Variants in FRRS1 observed in about 807,000 individuals in gnomAD.
FRRS1 encodes ferric reductase 1.
In FRRS1, 51 loss-of-function variants were observed where a neutral mutation model predicts 70.7. The ratio of observed to expected loss-of-function variants is 0.72; its 90% CI spans 0.58 to 0.91. The LOEUF (loss-of-function observed/expected upper bound fraction) is 0.91. Ranked by LOEUF, FRRS1 falls within the 40% of genes least tolerant of loss-of-function variation. The probability of loss-of-function intolerance (pLI) is 0.00; values close to 1 mark genes in which losing one functional copy is unlikely to be tolerated. For missense variants in FRRS1, 672 were observed against 726.0 expected (o/e 0.93, Z 0.86); for synonymous variants, 225 against 238.7 (o/e 0.94, Z 0.53).
chr1:99,738,060 C>T (rs1406515086), intron 7 of FRRS1, 26 bp downstream of exon 7: 1 of 1,565,890 alleles, frequency 6.4e-7, no homozygotes, highest in Non-Finnish European at 8.7e-7. Flanking sequence ...CTTTTGTTAC[C>T]ACTTATGTAA....
chr1:99,753,358 CTTTT>C (rs772351371), intron 1 of FRRS1, among the ~76,000 whole-genome samples: 1 of 150,998 alleles, frequency 6.6e-6, no homozygotes, highest in Non-Finnish European at 1.5e-5. Flanking sequence ...CTGTCTTTTT[CTTTT>C]TTTAATAATT....
chr1:99,728,372 A>G, intron 9 of FRRS1, 121 bp downstream of exon 9: 1 of 862,792 alleles, frequency 1.2e-6, no homozygotes, highest in Non-Finnish European at 1.8e-6. Flanking sequence ...AAAATTTGAC[A>G]TTTATAGGAA....
chr1:99,720,834 AACACACACACACACACACACAC>A (rs57397996), intron 9 of FRRS1, among the ~76,000 whole-genome samples: 9 of 137,334 alleles, frequency 6.6e-5, no homozygotes, highest in South Asian at 2.5e-4. Flanking sequence ...AGCATTTCCT[AACACACACACACACACACACAC>A]ACACACACAC....
chr1:99,761,263 A>T (rs1657101947), intron 1 of FRRS1, among the ~76,000 whole-genome samples: 1 of 151,900 alleles, frequency 6.6e-6, no homozygotes, highest in Non-Finnish European at 1.5e-5. Context: ...AGTAGCTGGG[A>T]CCACAGGTGC....
chr1:99,760,525 T>A (rs192330695), intron 1 of FRRS1, among the ~76,000 whole-genome samples: 1 of 152,348 alleles, frequency 6.6e-6, no homozygotes, highest in African/African-American at 2.4e-5. Context: ...AAAAAAATGA[T>A]TTTTTTAAAT....
chr1:99,730,610 G>A (rs1018831207), intron 7 of FRRS1, among the ~76,000 whole-genome samples: 7 of 152,142 alleles, frequency 4.6e-5, no homozygotes, highest in Non-Finnish European at 8.8e-5. Flanking sequence ...GCTCACGCCT[G>A]TAGTCCCAGC....
At chr1:99,712,279 A>G (rs1322894391) in intron 13 of FRRS1, 116 bp from the exon 14 acceptor site, 2 of 947,840 alleles carry the variant, frequency 2.1e-6, no homozygotes, top group Non-Finnish European at 3.3e-6. Flanking sequence ...TCTGAAATGC[A>G]TTTTAAAGTA....
At chr1:99,716,264 A>C (rs548686621) in intron 11 of FRRS1, among the ~76,000 whole-genome samples, 1 of 152,360 alleles carries the variant, frequency 6.6e-6, no homozygotes, top group Admixed American at 6.5e-5. Flanking sequence ...GTGTGTATGG[A>C]TGGATGGCTG....
At position 99,708,174 on chromosome 1, in the gene FRRS1, T is replaced by C. The variant is rs12407321; in HGVS notation, c.*854A>G. ...TACCTTTACTAGAGAAGTAACAAAA[T>C]ACACTGAGCAAAGGATATGTCCAAA... On this transcript the variant is annotated 3_prime_UTR_variant, in exon 17 of 17. Transcript: ENST00000646001. Among the ~76,000 whole-genome samples the C allele has an allele frequency of 0.26, 39,103 of 152,126 alleles. 6,705 individuals carry two copies. The highest frequency in any genetic ancestry group is 0.38 in the Non-Finnish European group (26,077 of 67,980).
chr1:99,741,031 A>T (rs1234192564), intron 5 of FRRS1, 91 bp from the exon 6 acceptor site: 1 of 1,191,524 alleles, frequency 8.4e-7, no homozygotes, highest in East Asian at 2.3e-5. Flanking sequence ...GAAAGACTAA[A>T]CTAGAAAAAC....
chr1:99,710,943 G>A lies in FRRS1; in HGVS notation c.1487C>T (p.Ala496Val), dbSNP rs779209237. The change falls in exon 15 of 17, where the codon GCG becomes GTG. Residue 496 changes from alanine to valine, a missense_variant. Coordinates refer to ENST00000646001, the MANE Select transcript of FRRS1 (RefSeq NM_001361041.2). ...GTAARIIAVA[A>V]MFLGMDLPGL... Reference sequence around the variant, plus strand: ...TGGTAAATCCATTCCCAGGAACATCGCTGCCACTACATACAAAAGAAAAAA... The same window carrying A: ...TGGTAAATCCATTCCCAGGAACATCACTGCCACTACATACAAAAGAAAAAA... 20 of 1,611,692 alleles carry A rather than the reference G, an allele frequency of 1.2e-5. No homozygotes were observed. The highest frequency in any genetic ancestry group is 1.4e-5 in the Non-Finnish European group (17 of 1,178,960).
At chr1:99,738,893 G>A (rs1005849051) in intron 6 of FRRS1, among the ~76,000 whole-genome samples, 3 of 152,048 alleles carry the variant, frequency 2.0e-5, no homozygotes, top group Admixed American at 1.3e-4. Flanking sequence ...ACTTAATCCC[G>A]AGCTTCTTGA....
At chr1:99,720,199 A>T (rs147235592) in intron 9 of FRRS1, among the ~76,000 whole-genome samples, 173 of 152,324 alleles carry the variant, frequency 1.1e-3, no homozygotes, top group African/African-American at 4.0e-3. Flanking sequence ...TAGTGACATA[A>T]GCAAATTAAG....
intron 14 of FRRS1, 147 bp downstream of exon 14, chr1:99,711,958 C>T: frequency 1.7e-6 from 1 of 595,896 alleles, no homozygotes; most frequent in Non-Finnish European, 3.0e-6. Context: ...AAATTACTTT[C>T]TGGATTTCAA....
At chr1:99,732,011 G>A (rs1655413496) in intron 7 of FRRS1, among the ~76,000 whole-genome samples, 1 of 152,104 alleles carries the variant, frequency 6.6e-6, no homozygotes, top group South Asian at 2.1e-4. Context: ...TATCCATCAT[G>A]AATGAGACAT....
chr1:99,711,954 C>G (rs1654291462), intron 14 of FRRS1, 151 bp downstream of exon 14: 1 of 589,588 alleles, frequency 1.7e-6, no homozygotes, highest in Admixed American at 3.3e-5. Flanking sequence ...CTAGAAATTA[C>G]TTTCTGGATT....
At chr1:99,747,236 G>A (rs1656319454) in intron 4 of FRRS1, 58 bp downstream of exon 4, 1 of 1,385,698 alleles carries the variant, frequency 7.2e-7, no homozygotes, top group Admixed American at 2.1e-5. Flanking sequence ...ATTTCCCCAG[G>A]GGTGGGGTCT....
intron 4 of FRRS1, among the ~76,000 whole-genome samples, chr1:99,746,253 G>C (rs1244546892): frequency 6.6e-6 from 1 of 152,180 alleles, no homozygotes; most frequent in South Asian, 2.1e-4. Context: ...GACATGTAAG[G>C]CTCTTTACAC....
chr1:99,746,517 G>GA (rs1656276964), intron 4 of FRRS1, among the ~76,000 whole-genome samples: 1 of 152,190 alleles, frequency 6.6e-6, no homozygotes, highest in African/African-American at 2.4e-5. Flanking sequence ...AAAGGTGGGG[G>GA]ACGAAGGGTT....
Sources: gnomAD v4.1 joint callset for allele counts (sites outside exome capture counted in the v4.1 genomes callset) on GRCh38, gnomAD v4.1.1 for gene constraint, MANE v1.5 for transcripts, NCBI Gene and HGNC (gene_info 2026-07-23, HGNC 2026-07-21) for gene names.